The following SYNE1 variants were observed in gnomAD, a reference collection of about 807,000 sequenced individuals.
SYNE1 encodes the protein spectrin repeat containing nuclear envelope protein 1.
SYNE1 carries 616 observed loss-of-function variants against 1,111.0 expected under a neutral mutation model. The ratio of observed to expected loss-of-function variants is 0.55; its 90% CI spans 0.52 to 0.59. SYNE1 has a LOEUF of 0.59. Among genes scored for constraint, SYNE1 ranks in the 20% least tolerant of loss-of-function variants. SYNE1 has a pLI of 0.00. For missense variants in SYNE1, 10,006 were observed against 10,417.0 expected (o/e 0.96, Z 1.72); for synonymous variants, 3,855 against 3,825.8 (o/e 1.01, Z -0.28).
intron 56 of SYNE1, among the ~76,000 whole-genome samples, chr6:152,378,840 G>C (rs1009999624): frequency 6.6e-6 from 1 of 152,072 alleles, no homozygotes; most frequent in Non-Finnish European, 1.5e-5. Context: ...TTATGCTTGC[G>C]TATCTCCCCA....
At chr6:152,273,792 G>A (rs2093390481) in intron 98 of SYNE1, among the ~76,000 whole-genome samples, 1 of 152,190 alleles carries the variant, frequency 6.6e-6, no homozygotes, top group Admixed American at 6.5e-5. Flanking sequence ...CAGGAGACCA[G>A]CTTGCCAAGG....
At chr6:152,492,167 C>T (rs1167552732) in intron 11 of SYNE1, among the ~76,000 whole-genome samples, 2 of 152,198 alleles carry the variant, frequency 1.3e-5, no homozygotes, top group South Asian at 2.1e-4. Flanking sequence ...TGCTTTGCCG[C>T]CCTAGACCCA....
At position 152,444,592 on chromosome 6, in the gene SYNE1, A is replaced by G. The variant is rs780827995; in HGVS notation, c.3670-14T>C. ...CATCTTTTCAACCTATATTTTCATG[A>G]AAAAAAAAAACACGTAAATCATATG... On this transcript the variant is annotated splice_polypyrimidine_tract_variant and intron_variant, in intron 29 of 145. Transcript: ENST00000367255. The G allele has an allele frequency of 4.0e-6, 4 of 994,564 alleles. No homozygotes were observed. Among genetic ancestry groups the G allele is most frequent in the Admixed American group, 5.5e-5 (2 of 36,422 alleles). The allele number at this position is 994,564 out of a possible 1,614,324, so 61.6% of individuals were successfully genotyped here.
intron 16 of SYNE1, among the ~76,000 whole-genome samples, chr6:152,471,007 G>A (rs2098802515): frequency 6.6e-6 from 1 of 152,080 alleles, no homozygotes; most frequent in Non-Finnish European, 1.5e-5. Context: ...AGTAAACATA[G>A]AATTATCTAT....
intron 145 of SYNE1, chr6:152,125,511 G>T (rs1484589168): frequency 2.8e-6 from 3 of 1,056,298 alleles, no homozygotes; most frequent in Non-Finnish European, 3.9e-6. Context: ...TTGCCTTAAA[G>T]TGTCTTAAGA....
chr6:152,588,338 T>G (rs953697721), intron 3 of SYNE1, among the ~76,000 whole-genome samples: 1 of 152,196 alleles, frequency 6.6e-6, no homozygotes, highest in Non-Finnish European at 1.5e-5. Context: ...TGAAGAAGCT[T>G]ACACCGTGCT....
intron 2 of SYNE1, among the ~76,000 whole-genome samples, chr6:152,630,276 T>C (rs529230070): frequency 2.0e-5 from 3 of 152,184 alleles, no homozygotes; most frequent in Non-Finnish European, 4.4e-5. Context: ...GGTAGGAAGA[T>C]AGAGGCAAAC....
chr6:152,584,933 A>T (rs12526436), intron 3 of SYNE1, among the ~76,000 whole-genome samples: 3,245 of 152,290 alleles, frequency 0.021, 123 homozygotes, highest in African/African-American at 0.074. Flanking sequence ...ATAGGGAAAC[A>T]TAAGATGTTT....
Position 152,561,247 on chromosome 6 carries a change from A to T in SYNE1, c.68-21226T>A, listed in dbSNP as rs558520621. ...GGTACAAAATTAACAAACAAAATTC[A>T]GTTGCATGTCTATACATAAACAATG... is the stretch of plus-strand genomic sequence containing the variant. On this transcript the variant is annotated intron_variant, in intron 3 of 145. Transcript: ENST00000367255. Among the ~76,000 whole-genome samples the T allele has an allele frequency of 3.1e-4, 47 of 152,334 alleles. 1 individual carries two copies. The East Asian group carries it at 9.1e-3, about 29-fold the overall frequency.
chr6:152,536,355 A>AACTAT (rs2099237395), intron 4 of SYNE1, among the ~76,000 whole-genome samples: 1 of 116,966 alleles, frequency 8.5e-6, no homozygotes, highest in African/African-American at 3.0e-5. Flanking sequence ...CTATATATAT[A>AACTAT]GTATACTAAT....
chr6:152,628,782 TTGCTAAAAGAAGAAA>T (rs1291891157), intron 2 of SYNE1, among the ~76,000 whole-genome samples: 1 of 152,194 alleles, frequency 6.6e-6, no homozygotes, highest in African/African-American at 2.4e-5. Context: ...TAAAATTGGG[TTGCTAAAAGAAGAAA>T]TGTTCACTTT....
chr6:152,191,378 T>C (rs1338643468), intron 127 of SYNE1, among the ~76,000 whole-genome samples: 2 of 152,140 alleles, frequency 1.3e-5, no homozygotes, highest in Non-Finnish European at 2.9e-5. Context: ...CTTTAAATGT[T>C]TGGTAAAATT....
chr6:152,256,268 AAAT>A (rs1363202805), intron 102 of SYNE1, among the ~76,000 whole-genome samples: 7 of 151,434 alleles, frequency 4.6e-5, no homozygotes, highest in Non-Finnish European at 8.8e-5. Context: ...AAAATAAAAA[AAAT>A]AAAAAAAAAT....
intron 46 of SYNE1, chr6:152,402,569 A>G (rs945412137): frequency 5.3e-5 from 8 of 152,212 alleles, no homozygotes; most frequent in African/African-American, 1.4e-4. Flanking sequence ...CACTTTTAGG[A>G]TTCTTTGGGG....
chr6:152,350,823 A>G, intron 70 of SYNE1, 53 bp from the exon 71 acceptor site: 1 of 1,603,544 alleles, frequency 6.2e-7, no homozygotes, highest in South Asian at 1.1e-5. Flanking sequence ...GGACAAGATG[A>G]ATACATACAT....
chr6:152,606,318 C>T (rs1177005454), intron 3 of SYNE1, among the ~76,000 whole-genome samples: 4 of 152,138 alleles, frequency 2.6e-5, no homozygotes, highest in African/African-American at 9.7e-5. Flanking sequence ...CAGGAAGGAC[C>T]TAAACCAGCT....
chr6:152,618,661 GAACAA>G (rs2099667654), intron 3 of SYNE1, among the ~76,000 whole-genome samples: 3 of 151,994 alleles, frequency 2.0e-5, no homozygotes, highest in Non-Finnish European at 4.4e-5. Context: ...AGGTCATTGT[GAACAA>G]TAAAAAACAA....
chr6:152,146,952 G>A (rs924354385), intron 137 of SYNE1: 2 of 152,256 alleles, frequency 1.3e-5, no homozygotes, highest in African/African-American at 2.4e-5. Flanking sequence ...GTGCATCTAC[G>A]ACTGGACTTT....
intron 87 of SYNE1, chr6:152,315,081 T>G (rs1470849615): frequency 6.6e-6 from 1 of 151,330 alleles, no homozygotes; most frequent in African/African-American, 2.4e-5. Context: ...TTATTTCACA[T>G]TTAAGTTTTC....
Sources: allele counts gnomAD v4.1 joint callset (sites outside exome capture counted in the v4.1 genomes callset), GRCh38; gene constraint gnomAD v4.1.1; transcripts MANE v1.5; gene names NCBI Gene and HGNC (gene_info 2026-07-23, HGNC 2026-07-21).